The following APBA2 variants were observed in gnomAD, a reference collection of about 807,000 sequenced individuals.
The protein encoded by APBA2 is amyloid-beta A4 precursor protein-binding family A member 2.
Under a neutral mutation model 75.0 loss-of-function variants are expected in APBA2, and 30 were observed. The ratio of observed to expected loss-of-function variants is 0.40; its 90% CI spans 0.30 to 0.54. The LOEUF (loss-of-function observed/expected upper bound fraction) is 0.54, where lower values mean the gene tolerates loss of function less well. APBA2 is among the 20% of genes least tolerant of loss of function. The pLI, the probability that APBA2 is intolerant of heterozygous loss-of-function variation, is 0.49. For missense variants in APBA2, 801 were observed against 1,016.1 expected (o/e 0.79, Z 2.88); for synonymous variants, 444 against 409.6 (o/e 1.08, Z -1.01).
At chr15:28,972,664 G>A (rs1209308712) in intron 2 of APBA2, among the ~76,000 whole-genome samples, 2 of 152,194 alleles carry the variant, frequency 1.3e-5, no homozygotes, top group Non-Finnish European at 2.9e-5. Context: ...AAAATATTGT[G>A]CCCACCAGGC....
In APBA2 at chr15:29,101,801, C is replaced by T. The variant is rs144963919; in HGVS notation, c.1524+17C>T. The T allele has an allele frequency of 1.6e-4, 264 of 1,610,080 alleles. 1 individual carries two copies. In the African/African-American group the frequency reaches 2.9e-3, roughly 18 times the overall value. On this transcript the variant is annotated intron_variant, in intron 10 of 14. Coordinates refer to ENST00000683413, the MANE Select transcript of APBA2 (RefSeq NM_001353788.2). ...TCGGAGGATGTAAGTAAGCCCTTGC[C>T]AGGGCACTCCCCTCCCAAAGTTCAC... is the stretch of plus-strand genomic sequence containing the variant.
chr15:28,904,761 C>T (rs1013177248), intron 1 of APBA2, among the ~76,000 whole-genome samples: 3 of 152,218 alleles, frequency 2.0e-5, no homozygotes, highest in Admixed American at 1.3e-4. Context: ...CCCTGTGACC[C>T]AGCTTCCTAG....
chr15:29,098,419 A>T, intron 8 of APBA2, 71 bp from the exon 9 acceptor site: 1 of 1,042,094 alleles, frequency 9.6e-7, no homozygotes. Context: ...GCATTTTGTC[A>T]TAATGCTATT....
chr15:28,978,990 GCT>G (rs1273831585), intron 2 of APBA2, among the ~76,000 whole-genome samples: 1 of 152,228 alleles, frequency 6.6e-6, no homozygotes, highest in Non-Finnish European at 1.5e-5. Context: ...GACCCCTTCT[GCT>G]CTCTCTGGCT....
At chr15:28,971,258 G>A (rs1029742252) in intron 2 of APBA2, among the ~76,000 whole-genome samples, 2 of 151,904 alleles carry the variant, frequency 1.3e-5, no homozygotes, top group African/African-American at 2.4e-5. Flanking sequence ...GGGGATCCCT[G>A]CAAGATAACA....
intron 4 of APBA2, among the ~76,000 whole-genome samples, chr15:29,055,668 A>AGT (rs57671107): frequency 0.075 from 9,611 of 127,386 alleles, 351 homozygotes; most frequent in East Asian, 0.15. Context: ...CATGAATTTG[A>AGT]GTGTGTGTGT....
intron 2 of APBA2, among the ~76,000 whole-genome samples, chr15:28,925,500 T>C (rs1032469492): frequency 2.6e-5 from 4 of 152,246 alleles, no homozygotes; most frequent in Non-Finnish European, 4.4e-5. Flanking sequence ...TTCCTTTTAC[T>C]GATTTTTAGT....
chr15:28,904,307 T>C (rs902203484), intron 1 of APBA2, among the ~76,000 whole-genome samples: 1 of 152,182 alleles, frequency 6.6e-6, no homozygotes, highest in Non-Finnish European at 1.5e-5. Flanking sequence ...TCCACACTCA[T>C]GGACGGTTTC....
intron 2 of APBA2, among the ~76,000 whole-genome samples, chr15:28,974,286 A>T (rs1318481918): frequency 6.6e-6 from 1 of 152,200 alleles, no homozygotes; most frequent in Non-Finnish European, 1.5e-5. Context: ...GAGAAGATAC[A>T]CTAGGTGTGG....
intron 3 of APBA2, among the ~76,000 whole-genome samples, chr15:29,018,480 G>A (rs2039790076): frequency 6.6e-6 from 1 of 152,192 alleles, no homozygotes; most frequent in African/African-American, 2.4e-5. Context: ...AGGATGAACT[G>A]GCTTCCCGGG....
intron 2 of APBA2, among the ~76,000 whole-genome samples, chr15:28,975,555 A>T (rs2037291540): frequency 6.6e-6 from 1 of 152,344 alleles, no homozygotes; most frequent in Admixed American, 6.5e-5. Context: ...ACAAGAAAAC[A>T]TGGGTAAATT....
chr15:29,102,052 C>G lies in APBA2; in HGVS notation c.1524+268C>G, dbSNP rs148632043. The G allele has an allele frequency of 6.0e-3, 3,425 of 567,970 alleles. 22 individuals carry two copies. The highest frequency in any genetic ancestry group is 8.9e-3 in the Middle Eastern group (19 of 2,136). The allele number at this position is 567,970 out of a possible 1,614,324, so 35.2% of individuals were successfully genotyped here. ...ATGAGGGAGCTATTTGAAGAAATCC[C>G]TTTACAAAACATTTTCTCTACTAAA... On this transcript the variant is annotated intron_variant, in intron 10 of 14. Transcript: ENST00000683413.
At chr15:29,064,449 C>T (rs190056079) in intron 4 of APBA2, among the ~76,000 whole-genome samples, 5 of 152,140 alleles carry the variant, frequency 3.3e-5, no homozygotes, top group African/African-American at 7.2e-5. Context: ...TAGAGGGAGA[C>T]GGATACATGA....
At chr15:29,003,477 T>C (rs1236612956) in intron 3 of APBA2, among the ~76,000 whole-genome samples, 1 of 152,210 alleles carries the variant, frequency 6.6e-6, no homozygotes, top group African/African-American at 2.4e-5. Context: ...GTTAAGCCAC[T>C]AGCTCCAGGT....
At chr15:29,085,975 C>A (rs146114874) in intron 6 of APBA2, among the ~76,000 whole-genome samples, 1 of 152,184 alleles carries the variant, frequency 6.6e-6, no homozygotes, top group Admixed American at 6.5e-5. Context: ...CTTCCCTCCC[C>A]CTGTGTGGGG....
intron 6 of APBA2, among the ~76,000 whole-genome samples, chr15:29,080,392 G>T (rs1305112417): frequency 6.6e-6 from 1 of 152,158 alleles, no homozygotes; most frequent in African/African-American, 2.4e-5. Flanking sequence ...AGGTGCCAGA[G>T]AGTTCAGTGG....
chr15:28,940,177 C>T (rs1453868755), intron 2 of APBA2, among the ~76,000 whole-genome samples: 2 of 151,570 alleles, frequency 1.3e-5, no homozygotes, highest in Non-Finnish European at 2.9e-5. Context: ...TTTTCAGTGG[C>T]GAGGAGAAAG....
chr15:29,112,173 C>T (rs1039276896), intron 13 of APBA2, among the ~76,000 whole-genome samples: 10 of 152,218 alleles, frequency 6.6e-5, no homozygotes, highest in Admixed American at 3.9e-4. Flanking sequence ...CCTTGTATCC[C>T]GGGAGCTGGT....
chr15:29,113,184 G>A (rs1040298812), intron 13 of APBA2, among the ~76,000 whole-genome samples: 7 of 151,990 alleles, frequency 4.6e-5, no homozygotes, highest in East Asian at 1.9e-4. Flanking sequence ...GTCCAGTCTC[G>A]TGGTCACAGG....
Sources: gnomAD v4.1 joint callset for allele counts (sites outside exome capture counted in the v4.1 genomes callset) on GRCh38, gnomAD v4.1.1 for gene constraint, MANE v1.5 for transcripts, NCBI Gene and HGNC (gene_info 2026-07-23, HGNC 2026-07-21) for gene names.